The following GAREM1 variants were observed in gnomAD, a reference collection of about 807,000 sequenced individuals.
GAREM1 encodes the protein GRB2-associated and regulator of MAPK protein 1.
GAREM1 carries 26 observed loss-of-function variants against 71.3 expected under a neutral mutation model. The observed-to-expected ratio is 0.36, with a 90% CI of 0.27 to 0.51. The LOEUF (loss-of-function observed/expected upper bound fraction) is 0.51, where lower values mean the gene tolerates loss of function less well. Ranked by LOEUF, GAREM1 falls within the 20% of genes least tolerant of loss-of-function variation. The pLI is 0.95. For synonymous variants in GAREM1, 440 were observed against 433.2 expected, an observed-to-expected ratio of 1.02 and a Z score of -0.20; for missense variants, 1,026 against 1,103.1, an observed-to-expected ratio of 0.93 and a Z score of 0.99.
chr18:32,320,598 A>G (rs1465638912), intron 2 of GAREM1, among the ~76,000 whole-genome samples: 3 of 152,214 alleles, frequency 2.0e-5, no homozygotes, highest in Non-Finnish European at 2.9e-5. Context: ...GAACTGCACC[A>G]TAGATAATCT....
At chr18:32,304,102 T>C (rs1396277111) in intron 3 of GAREM1, among the ~76,000 whole-genome samples, 2 of 151,348 alleles carry the variant, frequency 1.3e-5, no homozygotes, top group Non-Finnish European at 2.9e-5. Flanking sequence ...AGGTCAGGAG[T>C]TCGAGACCAG....
intron 2 of GAREM1, among the ~76,000 whole-genome samples, chr18:32,315,989 T>C (rs2047374601): frequency 6.6e-6 from 1 of 152,226 alleles, no homozygotes; most frequent in South Asian, 2.1e-4. Flanking sequence ...TCTGTGATCT[T>C]GTACTATCAG....
intron 1 of GAREM1, among the ~76,000 whole-genome samples, chr18:32,417,928 T>G (rs553357850): frequency 2.8e-4 from 42 of 152,154 alleles, no homozygotes; most frequent in Non-Finnish European, 5.3e-4. Flanking sequence ...GATACCCAAT[T>G]TTCCATGTGA....
At chr18:32,336,297 G>A (rs1038135987) in intron 2 of GAREM1, among the ~76,000 whole-genome samples, 8 of 152,068 alleles carry the variant, frequency 5.3e-5, no homozygotes, top group African/African-American at 1.9e-4. Context: ...GGCCGTGGTG[G>A]TGGGTGCCTG....
intron 2 of GAREM1, among the ~76,000 whole-genome samples, chr18:32,372,136 C>A (rs1207537370): frequency 6.6e-6 from 1 of 152,180 alleles, no homozygotes; most frequent in African/African-American, 2.4e-5. Flanking sequence ...AGATAACCAA[C>A]ACTGACATTT....
intron 4 of GAREM1, among the ~76,000 whole-genome samples, chr18:32,286,052 G>T (rs1163327980): frequency 6.6e-6 from 1 of 152,122 alleles, no homozygotes; most frequent in Non-Finnish European, 1.5e-5. Flanking sequence ...AAAAAAGAAA[G>T]CCACTGTAAT....
At chr18:32,304,032 C>T (rs1304984497) in intron 3 of GAREM1, among the ~76,000 whole-genome samples, 2 of 151,900 alleles carry the variant, frequency 1.3e-5, no homozygotes, top group Non-Finnish European at 2.9e-5. Context: ...AGAGGCCAGG[C>T]TCAGTGGCTC....
intron 3 of GAREM1, among the ~76,000 whole-genome samples, chr18:32,291,891 T>C (rs557485539): frequency 9.2e-5 from 14 of 152,330 alleles, no homozygotes; most frequent in Middle Eastern, 3.4e-3. Flanking sequence ...CAGTCTATCA[T>C]TGATGGGCAT....
chr18:32,354,765 T>G (rs16963239), intron 2 of GAREM1, among the ~76,000 whole-genome samples: 13,206 of 152,184 alleles, frequency 0.087, 960 homozygotes, highest in African/African-American at 0.2. Flanking sequence ...CTCCAGTGTT[T>G]CTGTTCTTTA....
In GAREM1 at chr18:32,470,232, C is replaced by T. The variant is rs331967; in HGVS notation, c.121+76G>A. 8.9e-6 allele frequency: 12 copies of T among 1,353,754 alleles called. No individual in the cohort carries two copies. The highest frequency in any genetic ancestry group is 1.2e-5 in the Non-Finnish European group (12 of 1,042,710). 83.9% of individuals were successfully genotyped at this position (1,353,754 alleles called of 1,614,324 possible). On this transcript the variant is annotated intron_variant, in intron 1 of 5. Transcript: ENST00000269209. The surrounding 1 kb of genome is among the most constrained non-coding windows in gnomAD (Gnocchi z 4.4). Reference sequence around the variant, plus strand: ...GCCCACTCCCCGCGGGTCCCACCCTCTCCAGCACACGCGCGCACACCCGCG... The same window carrying T: ...GCCCACTCCCCGCGGGTCCCACCCTTTCCAGCACACGCGCGCACACCCGCG...
chr18:32,447,969 A>T (rs147014203), intron 1 of GAREM1, among the ~76,000 whole-genome samples: 66 of 152,360 alleles, frequency 4.3e-4, no homozygotes, highest in African/African-American at 1.6e-3. Flanking sequence ...GGCATTGGCT[A>T]AGTATACTGT....
At chr18:32,289,383 G>T (rs981658172) in intron 3 of GAREM1, among the ~76,000 whole-genome samples, 2 of 152,162 alleles carry the variant, frequency 1.3e-5, no homozygotes, top group Non-Finnish European at 2.9e-5. Context: ...TTACCAGCAT[G>T]AGAGGTAAAG....
chr18:32,386,700 T>C (rs1461796147), intron 2 of GAREM1, among the ~76,000 whole-genome samples: 1 of 152,200 alleles, frequency 6.6e-6, no homozygotes, highest in Non-Finnish European at 1.5e-5. Flanking sequence ...CAGAATTCCA[T>C]TACTTCGCAA....
intron 1 of GAREM1, among the ~76,000 whole-genome samples, chr18:32,430,508 G>C (rs1209520814): frequency 2.6e-5 from 4 of 152,166 alleles, no homozygotes; most frequent in African/African-American, 9.7e-5. Context: ...TCTCAGTCTG[G>C]AGATCCACAG....
intron 2 of GAREM1, among the ~76,000 whole-genome samples, chr18:32,328,614 G>T (rs1312124615): frequency 6.6e-6 from 1 of 152,102 alleles, no homozygotes; most frequent in African/African-American, 2.4e-5. Context: ...GTTAGAGAGG[G>T]TTAGGTAAAT....
chr18:32,387,136 G>GATCTGCTTGACTGGTC (rs2144651104), intron 2 of GAREM1, among the ~76,000 whole-genome samples: 1 of 152,090 alleles, frequency 6.6e-6, no homozygotes, highest in South Asian at 2.1e-4. Flanking sequence ...ACCAACTGGG[G>GATCTGCTTGACTGGTC]ATCTGCTTGA....
At chr18:32,395,034 C>A (rs558635528) in intron 1 of GAREM1, among the ~76,000 whole-genome samples, 1 of 152,122 alleles carries the variant, frequency 6.6e-6, no homozygotes, top group Non-Finnish European at 1.5e-5. Flanking sequence ...CCCTCTAAAA[C>A]GTAATCCTTC....
intron 1 of GAREM1, among the ~76,000 whole-genome samples, chr18:32,464,164 G>C (rs773349192): frequency 1.7e-4 from 26 of 152,030 alleles, no homozygotes; most frequent in Middle Eastern, 3.4e-3. Flanking sequence ...GGTAGTGCAT[G>C]CCTGTAAGCC....
At chr18:32,462,616 G>A (rs1271871628) in intron 1 of GAREM1, among the ~76,000 whole-genome samples, 1 of 152,140 alleles carries the variant, frequency 6.6e-6, no homozygotes, top group Non-Finnish European at 1.5e-5. Flanking sequence ...TTAGTATGAT[G>A]TAATCCCATT....
Sources: allele counts gnomAD v4.1 joint callset (sites outside exome capture counted in the v4.1 genomes callset), GRCh38; gene constraint gnomAD v4.1.1; non-coding constraint Gnocchi (gnomAD v3.1); transcripts MANE v1.5; gene names NCBI Gene and HGNC (gene_info 2026-07-23, HGNC 2026-07-21).